Variants in CDYL2 observed in about 807,000 individuals in gnomAD.
CDYL2 encodes the protein chromodomain Y like 2.
A neutral mutation model predicts 49.4 loss-of-function variants in CDYL2; 23 were observed. That is an observed-to-expected ratio of 0.47 (90% CI 0.34 to 0.66). The LOEUF (loss-of-function observed/expected upper bound fraction) is 0.66, where lower values mean the gene tolerates loss of function less well. Among genes scored for constraint, CDYL2 ranks in the 30% least tolerant of loss-of-function variants. CDYL2 has a pLI of 0.01. For synonymous variants in CDYL2, 360 were observed against 268.8 expected, an observed-to-expected ratio of 1.34 and a Z score of -3.32; for missense variants, 678 against 656.4, an observed-to-expected ratio of 1.03 and a Z score of -0.36.
chr16:80,642,673 G>A (rs1004044254), intron 2 of CDYL2, among the ~76,000 whole-genome samples: 1 of 152,102 alleles, frequency 6.6e-6, no homozygotes, highest in African/African-American at 2.4e-5. Flanking sequence ...GAGGTGAAAG[G>A]CACTTCTTAC....
intron 1 of CDYL2, among the ~76,000 whole-genome samples, chr16:80,689,645 C>A (rs181825339): frequency 3.3e-5 from 5 of 152,270 alleles, no homozygotes; most frequent in African/African-American, 1.2e-4. Context: ...ACAAGAGGAA[C>A]GGATACTGAG....
intron 2 of CDYL2, among the ~76,000 whole-genome samples, chr16:80,649,676 G>C (rs991577547): frequency 1.3e-5 from 2 of 152,020 alleles, no homozygotes; most frequent in Admixed American, 6.5e-5. Flanking sequence ...TAAGCAAAAA[G>C]AACAAAATTG....
intron 2 of CDYL2, among the ~76,000 whole-genome samples, chr16:80,682,613 C>T (rs905438930): frequency 3.3e-5 from 5 of 152,226 alleles, no homozygotes; most frequent in African/African-American, 1.2e-4. Flanking sequence ...TCATGCTTTA[C>T]TCTTGGGATT....
chr16:80,701,468 T>G (rs1441064154), intron 1 of CDYL2, among the ~76,000 whole-genome samples: 1 of 152,188 alleles, frequency 6.6e-6, no homozygotes. Flanking sequence ...TAAAAATATT[T>G]TTTAAATTAA....
intron 2 of CDYL2, among the ~76,000 whole-genome samples, chr16:80,637,996 T>C (rs1427231167): frequency 6.6e-6 from 1 of 152,214 alleles, no homozygotes; most frequent in Admixed American, 6.5e-5. Flanking sequence ...GAGCCATATG[T>C]GAAAAATTGT....
intron 1 of CDYL2, among the ~76,000 whole-genome samples, chr16:80,760,123 T>C (rs1906475704): frequency 6.6e-6 from 1 of 152,228 alleles, no homozygotes; most frequent in African/African-American, 2.4e-5. Flanking sequence ...TCCCTTAGAC[T>C]AGCAGGCTGC....
intron 1 of CDYL2, among the ~76,000 whole-genome samples, chr16:80,767,319 C>A (rs1240169953): frequency 6.6e-6 from 1 of 152,156 alleles, no homozygotes; most frequent in Non-Finnish European, 1.5e-5. Context: ...AAGAAAAGTT[C>A]TCTGAGCCTA....
In CDYL2 at chr16:80,601,957, A is replaced by C. The variant is rs1019302849; in HGVS notation, c.*2431T>G. ...TCTAGTTCTTTCAAGCAGGGAATGA[A>C]GGTGGACACTGATCTAAAGGAATTT... On this transcript the variant is annotated 3_prime_UTR_variant, in exon 7 of 7. Coordinates refer to ENST00000570137, the MANE Select transcript of CDYL2 (RefSeq NM_152342.4). 5.3e-5 allele frequency: 8 copies of C among 152,214 alleles called. No homozygotes were observed. The highest frequency in any genetic ancestry group is 1.9e-4 in the African/African-American group (8 of 41,462). 9.4% of individuals were successfully genotyped at this position (152,214 alleles called of 1,614,324 possible). A position where few individuals can be genotyped will look rare whatever the true frequency, so the allele number is the denominator to read the frequency against.
chr16:80,734,489 G>T (rs148117524), intron 1 of CDYL2, among the ~76,000 whole-genome samples: 33 of 151,618 alleles, frequency 2.2e-4, no homozygotes, highest in Middle Eastern at 3.4e-3. Flanking sequence ...TGGATCTAGA[G>T]TAGCTGTAAT....
intron 2 of CDYL2, among the ~76,000 whole-genome samples, chr16:80,655,131 T>C (rs527751172): frequency 1.3e-5 from 2 of 152,334 alleles, no homozygotes; most frequent in African/African-American, 4.8e-5. Context: ...CCAGGCCTTT[T>C]CTGAGCAGCT....
At chr16:80,677,358 T>C (rs1247672601) in intron 2 of CDYL2, among the ~76,000 whole-genome samples, 1 of 152,192 alleles carries the variant, frequency 6.6e-6, no homozygotes, top group Non-Finnish European at 1.5e-5. Flanking sequence ...ATGGAAGTGA[T>C]GATGTTATCT....
chr16:80,703,755 G>A (rs941503379), intron 1 of CDYL2, among the ~76,000 whole-genome samples: 13 of 152,134 alleles, frequency 8.5e-5, no homozygotes, highest in Non-Finnish European at 1.6e-4. Context: ...AAGTCCTGCT[G>A]GTTACCAGGA....
At chr16:80,672,222 C>T (rs1010806695) in intron 2 of CDYL2, among the ~76,000 whole-genome samples, 5 of 151,610 alleles carry the variant, frequency 3.3e-5, no homozygotes, top group Non-Finnish European at 5.9e-5. Flanking sequence ...ACTAAAATTC[C>T]AATATGAAGA....
Position 80,804,286 on chromosome 16 carries a change from T to TGTG in CDYL2, c.-116_-114dup. The TGTG allele has an allele frequency of 3.2e-6, 3 of 930,610 alleles. No individual in the cohort carries two copies. The South Asian group carries it at 6.8e-5, about 21-fold the overall frequency. 57.6% of individuals were successfully genotyped at this position (930,610 alleles called of 1,614,324 possible). A position where few individuals can be genotyped will look rare whatever the true frequency, so the allele number is the denominator to read the frequency against. ...GTGTGTGCGCGCGTGTGTGTGCGAGTGTGTGTGGTGTGTTGAGTAAACTGT... is the reference window on the plus strand; with the variant it reads ...GTGTGTGCGCGCGTGTGTGTGCGAGTGTGGTGTGTGGTGTGTTGAGTAAACTGT... On this transcript the variant is annotated 5_prime_UTR_variant, in exon 1 of 7. Transcript: ENST00000570137.
intron 1 of CDYL2, among the ~76,000 whole-genome samples, chr16:80,701,951 T>C (rs1298757597): frequency 6.6e-6 from 1 of 152,212 alleles, no homozygotes; most frequent in East Asian, 1.9e-4. Flanking sequence ...ATAAATCAAC[T>C]GAGCAAGAAA....
intron 1 of CDYL2, among the ~76,000 whole-genome samples, chr16:80,755,927 A>T (rs1048704047): frequency 1.3e-5 from 2 of 152,240 alleles, no homozygotes; most frequent in African/African-American, 4.8e-5. Flanking sequence ...TCTAAAATAA[A>T]GTCTACTATA....
At chr16:80,621,512 C>A (rs1043022992) in intron 3 of CDYL2, among the ~76,000 whole-genome samples, 8 of 152,224 alleles carry the variant, frequency 5.3e-5, no homozygotes, top group African/African-American at 1.7e-4. Context: ...ACCTTACTAG[C>A]CATGGGACCT....
At chr16:80,637,235 A>G (rs56841768) in intron 2 of CDYL2, among the ~76,000 whole-genome samples, 9,039 of 133,120 alleles carry the variant, frequency 0.068, 835 homozygotes, top group African/African-American at 0.22. Flanking sequence ...TAAAAAAAAA[A>G]GGGGGAAACG....
At chr16:80,790,541 A>G (rs1209787430) in intron 1 of CDYL2, among the ~76,000 whole-genome samples, 1 of 152,222 alleles carries the variant, frequency 6.6e-6, no homozygotes, top group Non-Finnish European at 1.5e-5. Flanking sequence ...CATATATACC[A>G]TATTCCTCAA....
Sources: gnomAD v4.1 joint callset for allele counts (sites outside exome capture counted in the v4.1 genomes callset) on GRCh38, gnomAD v4.1.1 for gene constraint, MANE v1.5 for transcripts, NCBI Gene and HGNC (gene_info 2026-07-23, HGNC 2026-07-21) for gene names.